The following CACNA2D3 variants were observed in gnomAD, a reference collection of about 807,000 sequenced individuals.
CACNA2D3 encodes calcium voltage-gated channel auxiliary subunit alpha2delta 3, also known as voltage-dependent calcium channel subunit alpha-2/delta-3.
CACNA2D3 carries 60 observed loss-of-function variants against 160.6 expected under a neutral mutation model. The ratio of observed to expected loss-of-function variants is 0.37; its 90% CI spans 0.30 to 0.46. CACNA2D3 has a LOEUF of 0.46. Among genes scored for constraint, CACNA2D3 ranks in the 20% least tolerant of loss-of-function variants. The pLI, the probability that CACNA2D3 is intolerant of heterozygous loss-of-function variation, is 1.00. For synonymous variants in CACNA2D3, 558 were observed against 492.9 expected (o/e 1.13, Z -1.75); for missense variants, 1,205 against 1,365.0 (o/e 0.88, Z 1.85).
chr3:54,733,380 C>T (rs1701430796), intron 11 of CACNA2D3, among the ~76,000 whole-genome samples: 1 of 152,194 alleles, frequency 6.6e-6, no homozygotes, highest in South Asian at 2.1e-4. Flanking sequence ...CTGTATAAGG[C>T]AGACAACATG....
chr3:54,972,938 G>A (rs1037667507), intron 29 of CACNA2D3, among the ~76,000 whole-genome samples: 1 of 152,074 alleles, frequency 6.6e-6, no homozygotes, highest in East Asian at 1.9e-4. Flanking sequence ...CTGAGCACGG[G>A]GCAGTCAATG....
intron 5 of CACNA2D3, among the ~76,000 whole-genome samples, chr3:54,530,188 C>T (rs1701785509): frequency 6.6e-6 from 1 of 152,192 alleles, no homozygotes. Flanking sequence ...ACCAATGAGA[C>T]TATGGGTCCC....
At chr3:55,036,346 C>G (rs1703815688) in intron 35 of CACNA2D3, among the ~76,000 whole-genome samples, 1 of 152,088 alleles carries the variant, frequency 6.6e-6, no homozygotes, top group Non-Finnish European at 1.5e-5. Flanking sequence ...ACTCGGGAGG[C>G]TGAGGCAGGA....
intron 2 of CACNA2D3, among the ~76,000 whole-genome samples, chr3:54,254,505 C>A (rs1702257806): frequency 6.6e-6 from 1 of 152,136 alleles, no homozygotes; most frequent in African/African-American, 2.4e-5. Flanking sequence ...TGTTTGTGTG[C>A]CTGCCTGTAT....
intron 27 of CACNA2D3, among the ~76,000 whole-genome samples, chr3:54,920,622 C>T (rs954478464): frequency 6.6e-6 from 1 of 152,192 alleles, no homozygotes; most frequent in Non-Finnish European, 1.5e-5. Flanking sequence ...CATTCCTCTG[C>T]ACCTGACCAT....
At chr3:55,027,656 A>G (rs1163592150) in intron 35 of CACNA2D3, among the ~76,000 whole-genome samples, 4 of 152,222 alleles carry the variant, frequency 2.6e-5, no homozygotes, top group Non-Finnish European at 5.9e-5. Context: ...GTCAGGGGCA[A>G]TGACATTCAA....
At chr3:54,520,758 T>TA in intron 5 of CACNA2D3, among the ~76,000 whole-genome samples, 1 of 152,214 alleles carries the variant, frequency 6.6e-6, no homozygotes. Flanking sequence ...TCTTTGGCTA[T>TA]CGTTCCCTTG....
At chr3:54,903,310 G>A (rs1575542591) in intron 27 of CACNA2D3, among the ~76,000 whole-genome samples, 1 of 152,218 alleles carries the variant, frequency 6.6e-6, no homozygotes, top group Admixed American at 6.5e-5. Flanking sequence ...TGCGGTATTT[G>A]GTTTTCTGTT....
At chr3:54,865,077 T>A (rs1559609052) in intron 17 of CACNA2D3, among the ~76,000 whole-genome samples, 2 of 152,200 alleles carry the variant, frequency 1.3e-5, no homozygotes, top group African/African-American at 4.8e-5. Context: ...GCTTTTTTAT[T>A]CTTTTCTAAA....
intron 27 of CACNA2D3, among the ~76,000 whole-genome samples, chr3:54,963,345 T>C (rs968834153): frequency 1.3e-5 from 2 of 152,110 alleles, no homozygotes; most frequent in African/African-American, 2.4e-5. Context: ...CCATTTCTTT[T>C]CTATGGTTCC....
chr3:54,827,172 G>C (rs561778363), intron 14 of CACNA2D3, among the ~76,000 whole-genome samples: 2 of 152,324 alleles, frequency 1.3e-5, no homozygotes, highest in African/African-American at 2.4e-5. Context: ...CCAAGACTCA[G>C]ATCTCTACTC....
At chr3:54,654,184 C>T (rs968248570) in intron 11 of CACNA2D3, among the ~76,000 whole-genome samples, 9 of 152,068 alleles carry the variant, frequency 5.9e-5, no homozygotes, top group East Asian at 1.9e-4. Flanking sequence ...GAGGGGTTGG[C>T]AGTGGGGGGT....
intron 17 of CACNA2D3, among the ~76,000 whole-genome samples, chr3:54,849,233 T>G (rs1166485361): frequency 6.6e-6 from 1 of 152,172 alleles, no homozygotes; most frequent in Non-Finnish European, 1.5e-5. Flanking sequence ...GGTTGTTTGT[T>G]TGTTTTAAAG....
chr3:54,360,934 G>A (rs1327618378), intron 3 of CACNA2D3, among the ~76,000 whole-genome samples: 3 of 152,008 alleles, frequency 2.0e-5, no homozygotes, highest in East Asian at 1.9e-4. Context: ...TAAAAAATTC[G>A]AAAATGTAGC....
chr3:54,387,470 G>A (rs1699207122), intron 4 of CACNA2D3, among the ~76,000 whole-genome samples: 1 of 152,118 alleles, frequency 6.6e-6, no homozygotes, highest in Non-Finnish European at 1.5e-5. Flanking sequence ...TGGCCAACAT[G>A]GTGAAACCCC....
At chr3:54,599,712 A>C (rs1851043) in intron 9 of CACNA2D3, among the ~76,000 whole-genome samples, 266 of 152,164 alleles carry the variant, frequency 1.7e-3, no homozygotes, top group African/African-American at 5.4e-3. Context: ...TCCTGCCCTC[A>C]AACTTTAATT....
chr3:54,546,201 G>C (rs1436155463), intron 5 of CACNA2D3, among the ~76,000 whole-genome samples: 1 of 152,202 alleles, frequency 6.6e-6, no homozygotes, highest in African/African-American at 2.4e-5. Context: ...CAGCCCTGCA[G>C]GATGCAGAAA....
At position 54,957,722 on chromosome 3, in the gene CACNA2D3, C is replaced by T. The variant is rs144862182; in HGVS notation, c.2450-10728C>T. ...GTCAGGAGGGTTAGAAACAAGATCA[C>T]ACCTCTCCATCCCTGGTGCCCATTG... On this transcript the variant is annotated intron_variant, in intron 27 of 37. Coordinates refer to ENST00000474759, the MANE Select transcript of CACNA2D3 (RefSeq NM_018398.3). Among the ~76,000 whole-genome samples the T allele has an allele frequency of 1.7e-3, 261 of 152,148 alleles. 4 individuals carry two copies. Among genetic ancestry groups the T allele is most frequent in the African/African-American group, 5.9e-3 (246 of 41,520 alleles).
intron 29 of CACNA2D3, 21 bp from the exon 30 acceptor site, chr3:54,984,587 G>GTTT: frequency 7.5e-7 from 1 of 1,337,408 alleles, no homozygotes; most frequent in African/African-American, 1.5e-5. Flanking sequence ...TTTTGTTTTT[G>GTTT]TTTTTTTTTT....
Sources: allele counts gnomAD v4.1 joint callset (sites outside exome capture counted in the v4.1 genomes callset), GRCh38; gene constraint gnomAD v4.1.1; transcripts MANE v1.5; gene names NCBI Gene and HGNC (gene_info 2026-07-23, HGNC 2026-07-21).